The following CTTNBP2 variants were observed in gnomAD, a reference collection of about 807,000 sequenced individuals.
The protein encoded by CTTNBP2 is cortactin-binding protein 2.
In CTTNBP2, 108 loss-of-function variants were observed where a neutral mutation model predicts 156.9. The ratio of observed to expected loss-of-function variants is 0.69; its 90% confidence interval spans 0.59 to 0.81. The LOEUF (loss-of-function observed/expected upper bound fraction) is 0.81. Among genes scored for constraint, CTTNBP2 ranks in the 30% least tolerant of loss-of-function variants. The pLI, the probability that CTTNBP2 is intolerant of heterozygous loss-of-function variation, is 0.00. For missense variants in CTTNBP2, 1,924 were observed against 2,035.4 expected, an observed-to-expected ratio of 0.95 and a Z score of 1.05; for synonymous variants, 767 against 751.8, an observed-to-expected ratio of 1.02 and a Z score of -0.33.
intron 1 of CTTNBP2, among the ~76,000 whole-genome samples, chr7:117,863,719 A>G (rs924576633): frequency 3.9e-5 from 6 of 152,216 alleles, no homozygotes. Context: ...AGAACATATC[A>G]ATGAAGTAAG....
chr7:117,800,223 G>A (rs1160044073), intron 3 of CTTNBP2, among the ~76,000 whole-genome samples: 1 of 151,886 alleles, frequency 6.6e-6, no homozygotes, highest in Admixed American at 6.6e-5. Context: ...AAGACTAACA[G>A]CTCCTGAATT....
chr7:117,774,594 C>T (rs1797994126), intron 8 of CTTNBP2, among the ~76,000 whole-genome samples: 1 of 152,102 alleles, frequency 6.6e-6, no homozygotes, highest in African/African-American at 2.4e-5. Flanking sequence ...TGAGGTGGAA[C>T]AGTTTCATCC....
intron 2 of CTTNBP2, among the ~76,000 whole-genome samples, chr7:117,824,598 A>C (rs1434916174): frequency 1.3e-5 from 2 of 152,258 alleles, no homozygotes; most frequent in Non-Finnish European, 2.9e-5. Context: ...TCATTTTAAA[A>C]ATAAGAAAAC....
At chr7:117,741,348 A>G (rs1796006148) in intron 14 of CTTNBP2, among the ~76,000 whole-genome samples, 1 of 152,200 alleles carries the variant, frequency 6.6e-6, no homozygotes, top group South Asian at 2.1e-4. Flanking sequence ...GCCTTAGCAG[A>G]TGAACCTTGT....
At position 117,746,013 on chromosome 7, in the gene CTTNBP2, C is replaced by G; in HGVS notation, c.3435G>C (p.Lys1145Asn). 1 of 1,613,764 alleles carries G rather than the reference C, an allele frequency of 6.2e-7. No homozygotes were observed. The highest frequency in any genetic ancestry group is 2.2e-5 in the East Asian group (1 of 44,868). ...YIVHQLALCL[K>N]HRQMAAGFSC... ...CAGCTGATATACAAGTAATCAATAC[C>G]TTCAGGCAGAGTGCAAGCTGATGTA... Residue 1145 changes from lysine to asparagine, a missense_variant and splice_region_variant, in exon 13 of 23, where the codon AAG (lysine) becomes AAC (asparagine). By Grantham distance (94) the Lys-to-Asn change is moderately conservative. Transcript: ENST00000160373.
chr7:117,725,160 T>C lies in CTTNBP2; in HGVS notation c.4153A>G (p.Thr1385Ala). 6.2e-7 allele frequency: 1 copy of C among 1,613,802 alleles called. No homozygotes were observed. The highest frequency in any genetic ancestry group is 8.5e-7 in the Non-Finnish European group (1 of 1,180,018). ...SVKRQPGFGQ[T>A]TAKRHPSQGQ... ...TGGCTAGGGTGTCTTTTAGCAGTTG[T>C]CTGCCCAAAGCCAGGTTGTCTTTTC... The change falls in exon 18 of 23, where the codon ACA (threonine) becomes GCA (alanine). Residue 1385 changes from threonine to alanine, a missense_variant. Coordinates refer to ENST00000160373, the MANE Select transcript of CTTNBP2 (RefSeq NM_033427.3).
At chr7:117,718,212 T>TGTTACTCTTA in intron 21 of CTTNBP2, 93 bp from the exon 22 acceptor site, 1 of 752,518 alleles carries the variant, frequency 1.3e-6, no homozygotes, top group Non-Finnish European at 2.3e-6. Context: ...ACAGCAGAAG[T>TGTTACTCTTA]GTTACTCTTA....
rs141629357 is a variant in CTTNBP2 at position 117,850,021 on chromosome 7, T to C, written c.189+11188A>G. Among the ~76,000 whole-genome samples, 21 of 152,330 alleles carry C rather than the reference T, an allele frequency of 1.4e-4. No individual in the cohort carries two copies. In the East Asian group the frequency reaches 3.5e-3, roughly 25 times the overall value. ...TACTTCCAGGGATACTCATGAAGGT[T>C]AAATGACATAATCCACATAAAATAC... On this transcript the variant is annotated intron_variant, in intron 2 of 22. Transcript: ENST00000160373.
chr7:117,804,238 C>T (rs918240353), intron 3 of CTTNBP2, among the ~76,000 whole-genome samples: 2 of 152,152 alleles, frequency 1.3e-5, no homozygotes, highest in African/African-American at 2.4e-5. Context: ...GCTGGGATTA[C>T]AAGTGTGAGC....
intron 17 of CTTNBP2, among the ~76,000 whole-genome samples, chr7:117,726,530 T>C (rs1344139450): frequency 2.0e-5 from 3 of 152,174 alleles, no homozygotes; most frequent in African/African-American, 7.2e-5. Context: ...TGGTAGACAA[T>C]TCTCTGCAGC....
intron 2 of CTTNBP2, among the ~76,000 whole-genome samples, chr7:117,845,936 C>T (rs893490258): frequency 4.6e-5 from 7 of 151,980 alleles, no homozygotes; most frequent in East Asian, 1.9e-4. Context: ...CTGCAAGCTC[C>T]GCTTCCCGGG....
At chr7:117,828,280 T>C (rs2111209) in intron 2 of CTTNBP2, among the ~76,000 whole-genome samples, 107,789 of 152,006 alleles carry the variant, frequency 0.71, 38,956 homozygotes, top group African/African-American at 0.86. Context: ...TGGGGCAGAC[T>C]AGAAAGCAAA....
intron 2 of CTTNBP2, 60 bp from the exon 3 acceptor site, chr7:117,811,049 T>C: frequency 1.5e-6 from 2 of 1,294,456 alleles, no homozygotes; most frequent in Non-Finnish European, 2.2e-6. Context: ...GAAAGATATT[T>C]ATAAGAAGGT....
At position 117,817,844 on chromosome 7, in the gene CTTNBP2, T is replaced by G. The variant is rs533537826; in HGVS notation, c.190-6855A>C. On this transcript the variant is annotated intron_variant, in intron 2 of 22. Coordinates refer to ENST00000160373, the MANE Select transcript of CTTNBP2 (RefSeq NM_033427.3). ...CCCAGGAGATAGCCATTATTTTAAT[T>G]CACATTTTATAGATAAGCAGACTGA... Among the ~76,000 whole-genome samples, 80 of 152,316 alleles carry G rather than the reference T, an allele frequency of 5.3e-4. 1 individual carries two copies. The highest frequency in any genetic ancestry group is 1.8e-3 in the African/African-American group (76 of 41,560).
intron 2 of CTTNBP2, among the ~76,000 whole-genome samples, chr7:117,826,511 T>C (rs1283087384): frequency 6.6e-6 from 1 of 152,148 alleles, no homozygotes; most frequent in Admixed American, 6.5e-5. Flanking sequence ...TCAGGGTAAA[T>C]TTAGATATGA....
intron 9 of CTTNBP2, among the ~76,000 whole-genome samples, chr7:117,763,971 G>A (rs1461265766): frequency 6.6e-6 from 1 of 151,836 alleles, no homozygotes; most frequent in Non-Finnish European, 1.5e-5. Flanking sequence ...GGGTTTCTCT[G>A]GGCTTGGCCT....
intron 3 of CTTNBP2, among the ~76,000 whole-genome samples, chr7:117,795,133 T>C (rs1473289631): frequency 1.4e-5 from 2 of 145,264 alleles, no homozygotes; most frequent in Admixed American, 1.4e-4. Flanking sequence ...CCTGACCTCA[T>C]GATCCACCCG....
intron 3 of CTTNBP2, among the ~76,000 whole-genome samples, chr7:117,805,978 G>A (rs1799914671): frequency 6.6e-6 from 1 of 152,150 alleles, no homozygotes; most frequent in Admixed American, 6.5e-5. Flanking sequence ...TCAGATGGCA[G>A]GACCACATAC....
At chr7:117,770,715 A>G (rs1206927935) in intron 8 of CTTNBP2, among the ~76,000 whole-genome samples, 2 of 152,192 alleles carry the variant, frequency 1.3e-5, no homozygotes, top group African/African-American at 4.8e-5. Context: ...CTGGTGAAGC[A>G]ATGAGTACAG....
Sources: allele counts gnomAD v4.1 joint callset (sites outside exome capture counted in the v4.1 genomes callset), GRCh38; gene constraint gnomAD v4.1.1; transcripts MANE v1.5; gene names NCBI Gene and HGNC (gene_info 2026-07-23, HGNC 2026-07-21).